GNAQ: variants seen among roughly 807,000 people sequenced by gnomAD.
The protein encoded by GNAQ is G protein subunit alpha q, also known as guanine nucleotide-binding protein G(q) subunit alpha.
GNAQ carries 8 observed loss-of-function variants against 43.9 expected under a neutral mutation model. That is an observed-to-expected ratio of 0.18 (90% CI 0.11 to 0.33). The LOEUF is 0.33. Ranked by LOEUF, GNAQ falls within the 10% of genes least tolerant of loss-of-function variation. GNAQ has a pLI of 1.00. For missense variants in GNAQ, 158 were observed against 450.8 expected, an observed-to-expected ratio of 0.35 and a Z score of 5.88; for synonymous variants, 155 against 170.7, an observed-to-expected ratio of 0.91 and a Z score of 0.71.
intron 1 of GNAQ, among the ~76,000 whole-genome samples, chr9:78,015,374 C>A (rs1823826263): frequency 6.6e-6 from 1 of 152,130 alleles, no homozygotes; most frequent in Non-Finnish European, 1.5e-5. Context: ...CAGAAGGTAT[C>A]CCCATTGTTA....
chr9:77,828,184 T>C (rs1451429742), intron 2 of GNAQ, among the ~76,000 whole-genome samples: 4 of 151,516 alleles, frequency 2.6e-5, no homozygotes, highest in Non-Finnish European at 5.9e-5. Context: ...TTTACCTGGG[T>C]TAATTATCAT....
chr9:78,024,220 T>C (rs1377499571), intron 1 of GNAQ, among the ~76,000 whole-genome samples: 1 of 151,994 alleles, frequency 6.6e-6, no homozygotes, highest in East Asian at 1.9e-4. Context: ...AGAGAACAAA[T>C]GAGAGGAAGG....
At chr9:77,908,472 T>C (rs561054190) in intron 2 of GNAQ, among the ~76,000 whole-genome samples, 2 of 152,210 alleles carry the variant, frequency 1.3e-5, no homozygotes, top group Non-Finnish European at 2.9e-5. Context: ...CAAACAGATA[T>C]ACATTTCTCC....
At chr9:77,956,880 C>T (rs1011192808) in intron 1 of GNAQ, among the ~76,000 whole-genome samples, 2 of 152,026 alleles carry the variant, frequency 1.3e-5, no homozygotes, top group Non-Finnish European at 2.9e-5. Flanking sequence ...ATACAAAAAG[C>T]CAAATTCAAG....
At chr9:78,006,400 C>T (rs1437884033) in intron 1 of GNAQ, among the ~76,000 whole-genome samples, 1 of 152,196 alleles carries the variant, frequency 6.6e-6, no homozygotes, top group Non-Finnish European at 1.5e-5. Context: ...ACCAAAAACA[C>T]TGTCTTGTAC....
chr9:78,024,718 C>T (rs902569736), intron 1 of GNAQ, among the ~76,000 whole-genome samples: 2 of 152,102 alleles, frequency 1.3e-5, no homozygotes, highest in Non-Finnish European at 2.9e-5. Context: ...TCTTTCCTGT[C>T]GGCAAATAAG....
Position 77,775,727 on chromosome 9 carries a change from C to T in GNAQ, c.735+18736G>A, listed in dbSNP as rs1826297626. Among the ~76,000 whole-genome samples, 4 of 152,084 alleles carry T rather than the reference C, an allele frequency of 2.6e-5. No homozygotes were observed. The South Asian group carries it at 8.3e-4, about 31-fold the overall frequency. On this transcript the variant is annotated intron_variant, in intron 5 of 6. Transcript: ENST00000286548. ...CATCTCTCTTTTTATCTTTGCCATT[C>T]TAGCAAGTAAAAAGGCACTTTCACT...
intron 1 of GNAQ, among the ~76,000 whole-genome samples, chr9:77,981,481 C>T (rs1488642656): frequency 1.3e-5 from 2 of 152,154 alleles, no homozygotes; most frequent in African/African-American, 4.8e-5. Context: ...GTGTGGAAGG[C>T]CACGGCACAG....
chr9:77,975,827 C>T (rs1173683093), intron 1 of GNAQ, among the ~76,000 whole-genome samples: 3 of 152,106 alleles, frequency 2.0e-5, no homozygotes, highest in African/African-American at 7.2e-5. Flanking sequence ...TGAGCCACTG[C>T]GCTCAGCCCC....
At chr9:78,015,033 C>A (rs1823821296) in intron 1 of GNAQ, among the ~76,000 whole-genome samples, 1 of 152,036 alleles carries the variant, frequency 6.6e-6, no homozygotes, top group East Asian at 1.9e-4. Context: ...TGTCCTAGAC[C>A]CTCACATTCA....
intron 2 of GNAQ, among the ~76,000 whole-genome samples, chr9:77,902,205 C>T (rs112853983): frequency 2.0e-5 from 3 of 152,170 alleles, no homozygotes; most frequent in African/African-American, 4.8e-5. Context: ...TGTTCTTACA[C>T]CTTAAACAAG....
chr9:78,000,356 G>T (rs954238585), intron 1 of GNAQ, among the ~76,000 whole-genome samples: 2 of 152,126 alleles, frequency 1.3e-5, no homozygotes, highest in Non-Finnish European at 2.9e-5. Context: ...GAACTTTCAG[G>T]TGTCTACACA....
intron 1 of GNAQ, among the ~76,000 whole-genome samples, chr9:78,009,849 G>C (rs1392951496): frequency 6.6e-6 from 1 of 151,944 alleles, no homozygotes; most frequent in Non-Finnish European, 1.5e-5. Flanking sequence ...ACATGATAAA[G>C]GGAAAAGGAA....
intron 2 of GNAQ, among the ~76,000 whole-genome samples, chr9:77,853,774 C>CAAAAAAAA (rs34924714): frequency 1.8e-5 from 1 of 56,744 alleles, no homozygotes; most frequent in African/African-American, 6.9e-5. Context: ...AAATTACTAC[C>CAAAAAAAA]AAAAAAAAAA....
intron 2 of GNAQ, among the ~76,000 whole-genome samples, chr9:77,919,821 T>C (rs184903173): frequency 1.3e-5 from 2 of 152,274 alleles, no homozygotes; most frequent in East Asian, 3.9e-4. Flanking sequence ...CTGAATAGTA[T>C]TCAACACAGT....
intron 2 of GNAQ, among the ~76,000 whole-genome samples, chr9:77,885,380 C>T (rs1004265827): frequency 6.6e-6 from 1 of 152,126 alleles, no homozygotes; most frequent in Admixed American, 6.5e-5. Context: ...GTGAGCTTTG[C>T]TGAAAAGTGA....
At chr9:77,985,238 A>G (rs1201019553) in intron 1 of GNAQ, among the ~76,000 whole-genome samples, 1 of 152,204 alleles carries the variant, frequency 6.6e-6, no homozygotes, top group Non-Finnish European at 1.5e-5. Flanking sequence ...GCATGAACCC[A>G]GGAGGCGGAG....
At chr9:78,015,299 T>C (rs568692704) in intron 1 of GNAQ, among the ~76,000 whole-genome samples, 1 of 152,332 alleles carries the variant, frequency 6.6e-6, no homozygotes, top group Admixed American at 6.5e-5. Context: ...CTATACAATC[T>C]AGATTTGTGT....
chr9:77,739,311 CAT>C (rs1320232636), intron 5 of GNAQ, among the ~76,000 whole-genome samples: 5 of 152,176 alleles, frequency 3.3e-5, no homozygotes, highest in African/African-American at 9.7e-5. Flanking sequence ...TACTTACTAA[CAT>C]GTAGTATTTT....
Sources: gnomAD v4.1 joint callset for allele counts (sites outside exome capture counted in the v4.1 genomes callset) on GRCh38, gnomAD v4.1.1 for gene constraint, MANE v1.5 for transcripts, NCBI Gene and HGNC (gene_info 2026-07-23, HGNC 2026-07-21) for gene names.